The following DOCK1 variants were observed in gnomAD, a reference collection of about 807,000 sequenced individuals.
DOCK1 encodes dedicator of cytokinesis 1.
A neutral mutation model predicts 262.7 loss-of-function variants in DOCK1; 138 were observed. That is an observed-to-expected ratio of 0.53 (90% CI 0.46 to 0.61). The LOEUF is 0.61. Among genes scored for constraint, DOCK1 ranks in the 20% least tolerant of loss-of-function variants. The probability of loss-of-function intolerance (pLI) is 0.00; values close to 1 mark genes in which losing one functional copy is unlikely to be tolerated. For missense variants in DOCK1, 1,908 were observed against 2,370.7 expected (o/e 0.80, Z 4.05); for synonymous variants, 866 against 867.4 (o/e 1.00, Z 0.03).
At chr10:127,339,733 G>GTGTGTGTGTGTGCGTGCA (rs71032552) in intron 30 of DOCK1, among the ~76,000 whole-genome samples, 1 of 109,230 alleles carries the variant, frequency 9.2e-6, no homozygotes, top group East Asian at 3.5e-4. Flanking sequence ...GTGTGTGTGT[G>GTGTGTGTGTGTGCGTGCA]TGCATGCTGT....
At chr10:127,037,867 T>TA (rs2043752168) in intron 19 of DOCK1, 51 bp downstream of exon 19, 1 of 1,073,998 alleles carries the variant, frequency 9.3e-7, no homozygotes, top group Non-Finnish European at 1.3e-6. Flanking sequence ...TTTTTTTTTT[T>TA]AATGTATGTT....
chr10:127,007,038 T>A (rs1231793295), intron 10 of DOCK1, among the ~76,000 whole-genome samples: 1 of 151,930 alleles, frequency 6.6e-6, no homozygotes, highest in Non-Finnish European at 1.5e-5. Flanking sequence ...CCCCCAAGAG[T>A]GCTGGAAGCT....
Position 127,433,401 on chromosome 10 carries a change from G to A in DOCK1, c.5033G>A (p.Ser1678Asn), listed in dbSNP as rs754968178. 1.9e-6 allele frequency: 3 copies of A among 1,613,960 alleles called. No individual in the cohort carries two copies. Among genetic ancestry groups the A allele is most frequent in the South Asian group, 1.1e-5 (1 of 91,078 alleles). Residue 1678 changes from serine (S) to asparagine (N), a missense_variant, in exon 48 of 52, where the codon AGC (serine) becomes AAC (asparagine). Coordinates refer to ENST00000623213, the MANE Select transcript of DOCK1 (RefSeq NM_001290223.2). The part of the protein sequence containing the change: ...VASVSSLSSD[S>N]TPSRPGSDGF... The stretch of plus-strand genomic sequence containing the variant: ...TCTGTCTCTTCCCTCTCATCGGACA[G>A]CACCCCTTCCAGACCAGGCTCCGAC...
At chr10:127,203,442 G>C (rs192500092) in intron 27 of DOCK1, among the ~76,000 whole-genome samples, 1 of 152,092 alleles carries the variant, frequency 6.6e-6, no homozygotes, top group African/African-American at 2.4e-5. Context: ...AAGAATTGAC[G>C]ACCTGACTTT....
chr10:126,958,654 A>G (rs1341711953), intron 1 of DOCK1, among the ~76,000 whole-genome samples: 1 of 152,130 alleles, frequency 6.6e-6, no homozygotes, highest in Non-Finnish European at 1.5e-5. Context: ...GGGTATTAGT[A>G]TACTAGAATA....
chr10:127,261,551 C>T (rs1316377545), intron 29 of DOCK1, among the ~76,000 whole-genome samples: 2 of 84,766 alleles, frequency 2.4e-5, no homozygotes, highest in Non-Finnish European at 4.5e-5. Flanking sequence ...GTGTGTGTAC[C>T]CGTGCTCATC....
chr10:127,230,400 T>G (rs2058798238), intron 27 of DOCK1, among the ~76,000 whole-genome samples: 1 of 152,180 alleles, frequency 6.6e-6, no homozygotes. Context: ...GTTTTACAGT[T>G]TCAGGCCTTA....
intron 1 of DOCK1, among the ~76,000 whole-genome samples, chr10:126,958,443 C>G (rs2036922887): frequency 4.6e-5 from 7 of 152,136 alleles, no homozygotes. Flanking sequence ...AGTCACAGCT[C>G]ATGGAGACCA....
intron 1 of DOCK1, among the ~76,000 whole-genome samples, chr10:126,950,903 TG>T (rs2036158760): frequency 6.6e-6 from 1 of 152,048 alleles, no homozygotes; most frequent in Non-Finnish European, 1.5e-5. Context: ...ATGTTGGTGA[TG>T]TTATTGTTGA....
intron 26 of DOCK1, among the ~76,000 whole-genome samples, 196 bp downstream of exon 26, chr10:127,125,797 G>A (rs2049914917): frequency 6.6e-6 from 1 of 151,896 alleles, no homozygotes; most frequent in Non-Finnish European, 1.5e-5. Flanking sequence ...TTATCCTTTT[G>A]CATTGAAAAT....
At chr10:127,289,815 G>A (rs191641298) in intron 29 of DOCK1, among the ~76,000 whole-genome samples, 37 of 149,388 alleles carry the variant, frequency 2.5e-4, no homozygotes, top group Non-Finnish European at 4.7e-4. Context: ...TCTTCTTTTG[G>A]AACTCAATTA....
intron 25 of DOCK1, among the ~76,000 whole-genome samples, chr10:127,120,728 A>G (rs945791855): frequency 6.6e-6 from 1 of 152,208 alleles, no homozygotes; most frequent in Non-Finnish European, 1.5e-5. Context: ...TTGAGTTTAT[A>G]TTAATTACAA....
At chr10:127,002,896 C>CCT (rs2040695701) in intron 10 of DOCK1, among the ~76,000 whole-genome samples, 1 of 152,236 alleles carries the variant, frequency 6.6e-6, no homozygotes, top group Admixed American at 6.5e-5. Flanking sequence ...TGAAAACCCA[C>CCT]CTGGGGCCAA....
intron 1 of DOCK1, among the ~76,000 whole-genome samples, chr10:126,948,623 A>T (rs926343169): frequency 2.0e-5 from 3 of 151,738 alleles, no homozygotes; most frequent in Middle Eastern, 6.8e-3. Flanking sequence ...GGAGAAGGAA[A>T]GTTTCCCGAT....
intron 21 of DOCK1, among the ~76,000 whole-genome samples, chr10:127,047,827 C>T (rs560141157): frequency 6.6e-6 from 1 of 152,310 alleles, no homozygotes; most frequent in South Asian, 2.1e-4. Flanking sequence ...TTGCTTTGTG[C>T]ATCATTAAAT....
chr10:126,999,969 CT>C (rs1370895348), intron 9 of DOCK1, among the ~76,000 whole-genome samples: 2 of 152,228 alleles, frequency 1.3e-5, no homozygotes, highest in East Asian at 1.9e-4. Context: ...GGCACTGCCC[CT>C]AGCCCTTAAA....
intron 1 of DOCK1, among the ~76,000 whole-genome samples, chr10:126,915,644 G>A (rs1157579659): frequency 1.3e-5 from 2 of 152,110 alleles, no homozygotes; most frequent in Admixed American, 1.3e-4. Flanking sequence ...AGTAACACGG[G>A]GTTTCACTGT....
At position 127,012,288 on chromosome 10, in the gene DOCK1, C is replaced by T; in HGVS notation, c.1115C>T (p.Ser372Leu). The T allele has an allele frequency of 1.2e-6, 2 of 1,613,984 alleles. No homozygotes were observed. Among genetic ancestry groups the T allele is most frequent in the Middle Eastern group, 1.7e-4 (1 of 6,060 alleles). Reference sequence around the variant, plus strand: ...CCGCTGAACATGTCATCCCGTTTTTCACCCAGGGTGGCAGGGGAGAATGAC... The same window carrying T: ...CCGCTGAACATGTCATCCCGTTTTTTACCCAGGGTGGCAGGGGAGAATGAC... ...HKPLNMSSRF[S>L]PRVAGENDFL... Residue 372 changes from serine to leucine, a missense_variant, in exon 12 of 52, where the codon TCA (serine) becomes TTA (leucine). Coordinates refer to ENST00000623213, the MANE Select transcript of DOCK1 (RefSeq NM_001290223.2). This position sits in a 1 kb window ranked among gnomAD's most constrained non-coding sequence, Gnocchi z 4.0.
chr10:127,201,739 C>G (rs1016313236), intron 27 of DOCK1, among the ~76,000 whole-genome samples: 2 of 152,156 alleles, frequency 1.3e-5, no homozygotes, highest in African/African-American at 2.4e-5. Context: ...AAGGCTTTCC[C>G]CTCCCAACTG....
Sources: gnomAD v4.1 joint callset for allele counts (sites outside exome capture counted in the v4.1 genomes callset) on GRCh38, gnomAD v4.1.1 for gene constraint, Gnocchi (gnomAD v3.1) non-coding constraint, MANE v1.5 for transcripts, NCBI Gene and HGNC (gene_info 2026-07-23, HGNC 2026-07-21) for gene names.